The following PALM2AKAP2 variants were observed in gnomAD, a reference collection of about 807,000 sequenced individuals.
PALM2AKAP2 encodes the protein PALM2-AKAP2 fusion protein.
In PALM2AKAP2, 37 loss-of-function variants were observed where a neutral mutation model predicts 71.5. That is an observed-to-expected ratio of 0.52 (90% CI 0.40 to 0.68). PALM2AKAP2 has a LOEUF of 0.68. PALM2AKAP2 is among the 30% of genes least tolerant of loss of function. The pLI is 0.00. For synonymous variants in PALM2AKAP2, 468 were observed against 478.8 expected, an observed-to-expected ratio of 0.98 and a Z score of 0.29; for missense variants, 1,224 against 1,191.8, an observed-to-expected ratio of 1.03 and a Z score of -0.40.
rs185524519 is a variant in PALM2AKAP2 at position 109,955,181 on chromosome 9, A to G, written c.496+23153A>G. On this transcript the variant is annotated intron_variant, in intron 6 of 9. Transcript: ENST00000302798. ...TGGAAATGGGACTTACCTTAGCAAG[A>G]TAACAGCAGACTCAGAACTAAAGTC... Among the ~76,000 whole-genome samples, 8 of 152,322 alleles carry G rather than the reference A, an allele frequency of 5.3e-5. No individual in the cohort carries two copies. In the East Asian group the frequency reaches 5.8e-4, roughly 11 times the overall value.
At chr9:109,788,597 C>T (rs934755709) in intron 1 of PALM2AKAP2, among the ~76,000 whole-genome samples, 5 of 152,132 alleles carry the variant, frequency 3.3e-5, no homozygotes, top group African/African-American at 9.7e-5. Context: ...ACTTTGAAAA[C>T]GACTGGTGAA....
chr9:109,756,226 C>A (rs954624972), intron 1 of PALM2AKAP2, among the ~76,000 whole-genome samples: 3 of 152,152 alleles, frequency 2.0e-5, no homozygotes, highest in Admixed American at 2.0e-4. Flanking sequence ...TTTTGAAATC[C>A]TGCCCACTTT....
intron 1 of PALM2AKAP2, among the ~76,000 whole-genome samples, chr9:110,130,889 T>C (rs1287830473): frequency 6.6e-6 from 1 of 152,258 alleles, no homozygotes; most frequent in Non-Finnish European, 1.5e-5. Flanking sequence ...CACGGATTTC[T>C]AACATTCATT....
chr9:109,862,055 AGTTT>A (rs1469577418), intron 1 of PALM2AKAP2, among the ~76,000 whole-genome samples: 1 of 152,180 alleles, frequency 6.6e-6, no homozygotes, highest in African/African-American at 2.4e-5. Flanking sequence ...AGGAGCCCAT[AGTTT>A]GTTAGAGAGA....
intron 1 of PALM2AKAP2, among the ~76,000 whole-genome samples, chr9:109,780,892 G>A (rs1170288149): frequency 1.3e-5 from 2 of 152,206 alleles, no homozygotes; most frequent in African/African-American, 4.8e-5. Flanking sequence ...ACCAAGAGAA[G>A]GGTGACCTGA....
exon 2 of PALM2AKAP2, chr9:110,137,273 A>G (rs1396316841): frequency 8.7e-6 from 14 of 1,614,118 alleles, no homozygotes; most frequent in Non-Finnish European, 1.2e-5. Flanking sequence ...GGGCCAGAGT[A>G]CACCCAGGCT....
chr9:110,034,604 CTTTTTTTTTTTT>C (rs57708385), intron 7 of PALM2AKAP2, among the ~76,000 whole-genome samples: 1 of 118,334 alleles, frequency 8.5e-6, no homozygotes, highest in East Asian at 2.4e-4. Flanking sequence ...ATATATTCCC[CTTTTTTTTTTTT>C]TTTTTTTTTT....
At chr9:110,131,010 G>A (rs1243833295) in intron 1 of PALM2AKAP2, among the ~76,000 whole-genome samples, 1 of 152,178 alleles carries the variant, frequency 6.6e-6, no homozygotes, top group Non-Finnish European at 1.5e-5. Flanking sequence ...GCTAAGTACT[G>A]GAGGAAGCCA....
At chr9:110,002,782 T>G (rs1269375906) in intron 6 of PALM2AKAP2, among the ~76,000 whole-genome samples, 1 of 152,186 alleles carries the variant, frequency 6.6e-6, no homozygotes, top group South Asian at 2.1e-4. Flanking sequence ...GTCGAGGAAT[T>G]TATCCATTTC....
intron 1 of PALM2AKAP2, among the ~76,000 whole-genome samples, chr9:109,654,591 CA>C (rs1827270257): frequency 6.6e-6 from 1 of 152,172 alleles, no homozygotes; most frequent in Non-Finnish European, 1.5e-5. Flanking sequence ...CAGCCTTCAT[CA>C]GCTGTACAAT....
chr9:109,706,197 A>G (rs1008148776), intron 1 of PALM2AKAP2, among the ~76,000 whole-genome samples: 2 of 152,228 alleles, frequency 1.3e-5, no homozygotes, highest in South Asian at 2.1e-4. Context: ...AAAAGGCTGT[A>G]TTGCAGTTTT....
intron 5 of PALM2AKAP2, among the ~76,000 whole-genome samples, chr9:109,930,230 A>T (rs1350370478): frequency 8.9e-5 from 13 of 145,682 alleles, no homozygotes; most frequent in South Asian, 2.2e-4. Flanking sequence ...GGAAAAATCT[A>T]TTTTTTTTTT....
intron 3 of PALM2AKAP2, among the ~76,000 whole-genome samples, chr9:110,164,323 C>T (rs1459117097): frequency 6.6e-6 from 1 of 152,054 alleles, no homozygotes; most frequent in African/African-American, 2.4e-5. Context: ...TATTATTTAA[C>T]ATATCTGTCT....
rs764266891 is a variant in PALM2AKAP2 at position 109,867,476 on chromosome 9, C to G, written c.46-15C>G. 6.2e-7 allele frequency: 1 copy of G among 1,610,080 alleles called. No individual in the cohort carries two copies. The highest frequency in any genetic ancestry group is 8.5e-7 in the Non-Finnish European group (1 of 1,178,796). On this transcript the variant is annotated splice_polypyrimidine_tract_variant and intron_variant, in intron 1 of 9. Coordinates refer to the PALM2AKAP2 transcript ENST00000302798. The stretch of plus-strand genomic sequence containing the variant: ...ACCCACCCACTCTTACAGCCTCTGT[C>G]TCTTTATTTTCAAGGAAAAAAGAAA...
At chr9:109,834,733 T>G (rs1269479919) in intron 1 of PALM2AKAP2, among the ~76,000 whole-genome samples, 1 of 152,150 alleles carries the variant, frequency 6.6e-6, no homozygotes, top group Non-Finnish European at 1.5e-5. Context: ...AAGGACCTCT[T>G]AAATCTTCAG....
At chr9:110,080,527 C>T (rs995777297) in intron 1 of PALM2AKAP2, among the ~76,000 whole-genome samples, 5 of 152,128 alleles carry the variant, frequency 3.3e-5, no homozygotes, top group Admixed American at 2.0e-4. Flanking sequence ...AAAATGTCTG[C>T]GTGGCTCACA....
chr9:109,765,075 T>C (rs758088590), intron 1 of PALM2AKAP2, among the ~76,000 whole-genome samples: 3 of 152,198 alleles, frequency 2.0e-5, no homozygotes, highest in Non-Finnish European at 2.9e-5. Context: ...TCTAAAGCCT[T>C]AAAATAAAGA....
intron 1 of PALM2AKAP2, among the ~76,000 whole-genome samples, chr9:109,786,217 T>C (rs1356258211): frequency 6.6e-6 from 1 of 152,252 alleles, no homozygotes; most frequent in Non-Finnish European, 1.5e-5. Flanking sequence ...ACCACCCTGC[T>C]TTTGGTCCAG....
At chr9:109,644,289 T>C (rs965858766) in intron 1 of PALM2AKAP2, among the ~76,000 whole-genome samples, 2 of 152,104 alleles carry the variant, frequency 1.3e-5, no homozygotes, top group African/African-American at 2.4e-5. Flanking sequence ...ATACTGCCCC[T>C]ACCCTTCAAT....
Sources: gnomAD v4.1 joint callset for allele counts (sites outside exome capture counted in the v4.1 genomes callset) on GRCh38, gnomAD v4.1.1 for gene constraint, MANE v1.5 for transcripts, NCBI Gene and HGNC (gene_info 2026-07-23, HGNC 2026-07-21) for gene names.